ARIH2: variants seen among roughly 807,000 people sequenced by gnomAD.
The protein encoded by ARIH2 is E3 ubiquitin-protein ligase ARIH2.
ARIH2 carries 12 observed loss-of-function variants against 79.8 expected under a neutral mutation model. That is an observed-to-expected ratio of 0.15 (90% CI 0.10 to 0.24). The LOEUF (loss-of-function observed/expected upper bound fraction) is 0.24. Ranked by LOEUF, ARIH2 falls within the 10% of genes least tolerant of loss-of-function variation. The pLI, the probability that ARIH2 is intolerant of heterozygous loss-of-function variation, is 1.00. For missense variants in ARIH2, 301 were observed against 618.3 expected (o/e 0.49, Z 5.44); for synonymous variants, 224 against 213.9 (o/e 1.05, Z -0.41).
chr3:48,931,580 G>T (rs2107004663), intron 3 of ARIH2, among the ~76,000 whole-genome samples: 1 of 151,712 alleles, frequency 6.6e-6, no homozygotes, highest in East Asian at 1.9e-4. Flanking sequence ...TTTTTAAGTG[G>T]ACTCAAAAAG....
intron 6 of ARIH2, 58 bp downstream of exon 6, chr3:48,967,333 C>G: frequency 6.4e-7 from 1 of 1,555,190 alleles, no homozygotes. Context: ...TTTGACTCTG[C>G]CTTTTCATGT....
At chr3:48,982,400 ATTC>A (rs1294737517) in intron 14 of ARIH2, among the ~76,000 whole-genome samples, 3 of 152,162 alleles carry the variant, frequency 2.0e-5, no homozygotes, top group Non-Finnish European at 4.4e-5. Flanking sequence ...TGGGACATTT[ATTC>A]TTTCTTTCTT....
At position 48,944,919 on chromosome 3, in the gene ARIH2, A is replaced by C. The variant is rs138790316; in HGVS notation, c.256-16693A>C. ...TCCTATATCATGTCCCATTCTAGCCATTCTAGCCCAGGCCCAGAAGCTGGC... is the reference window on the plus strand; with the variant it reads ...TCCTATATCATGTCCCATTCTAGCCCTTCTAGCCCAGGCCCAGAAGCTGGC... On this transcript the variant is annotated intron_variant, in intron 3 of 15. Transcript: ENST00000356401. The C allele has an allele frequency of 1.1e-5, 4 of 372,764 alleles. No homozygotes were observed. The East Asian group carries it at 2.9e-4, about 27-fold the overall frequency. 23.1% of individuals were successfully genotyped at this position (372,764 alleles called of 1,614,324 possible).
chr3:48,964,132 G>A (rs551076983), intron 4 of ARIH2, among the ~76,000 whole-genome samples: 5 of 151,560 alleles, frequency 3.3e-5, no homozygotes, highest in African/African-American at 1.2e-4. Flanking sequence ...CCAGGTTCAA[G>A]CGATCCTCCT....
intron 12 of ARIH2, 122 bp downstream of exon 12, chr3:48,979,755 C>A: frequency 9.5e-7 from 1 of 1,056,260 alleles, no homozygotes; most frequent in Non-Finnish European, 1.4e-6. Context: ...GTGAATGGAG[C>A]TCCTGCAGTA....
chr3:48,945,411 A>G (rs539784382), intron 3 of ARIH2, among the ~76,000 whole-genome samples: 1 of 152,348 alleles, frequency 6.6e-6, no homozygotes, highest in South Asian at 2.1e-4. Flanking sequence ...TGATCCGTAT[A>G]TAAAATTAGT....
At chr3:48,935,045 A>G (rs2086920847) in intron 3 of ARIH2, 1 of 696,166 alleles carries the variant, frequency 1.4e-6, no homozygotes, top group Non-Finnish European at 1.8e-6. Context: ...ATTTAAGAAA[A>G]TAATATCATT....
At chr3:48,922,370 C>G (rs1430066725) in intron 1 of ARIH2, 1 of 150,630 alleles carries the variant, frequency 6.6e-6, no homozygotes, top group African/African-American at 2.4e-5. Context: ...GTGGCGCGAT[C>G]TCACCTCACT....
chr3:48,957,320 C>A (rs1011437965), intron 3 of ARIH2, among the ~76,000 whole-genome samples: 1 of 152,202 alleles, frequency 6.6e-6, no homozygotes, highest in Admixed American at 6.5e-5. Flanking sequence ...ACCTTCTTGA[C>A]CTTTCTAATG....
chr3:48,948,749 G>A (rs554616078), intron 3 of ARIH2, among the ~76,000 whole-genome samples: 4 of 152,142 alleles, frequency 2.6e-5, no homozygotes, highest in African/African-American at 4.8e-5. Context: ...CTGATCTTCT[G>A]TCTCAGTAGT....
intron 3 of ARIH2, among the ~76,000 whole-genome samples, chr3:48,932,030 A>T (rs773596587): frequency 3.9e-5 from 6 of 152,016 alleles, no homozygotes; most frequent in Middle Eastern, 3.2e-3. Flanking sequence ...GAAAAATCAC[A>T]ATTGTCTGGG....
intron 1 of ARIH2, among the ~76,000 whole-genome samples, chr3:48,919,743 G>C (rs2084505837): frequency 1.3e-5 from 2 of 152,150 alleles, no homozygotes; most frequent in African/African-American, 4.8e-5. Flanking sequence ...TATTAGAAAA[G>C]ACAGATACAA....
chr3:48,962,977 T>G (rs2091425481), intron 4 of ARIH2, among the ~76,000 whole-genome samples: 1 of 152,130 alleles, frequency 6.6e-6, no homozygotes, highest in Non-Finnish European at 1.5e-5. Context: ...CAAGCAACTC[T>G]CCTGCCTCAG....
intron 1 of ARIH2, chr3:48,921,420 G>T: frequency 6.9e-6 from 1 of 145,856 alleles, no homozygotes; most frequent in African/African-American, 2.5e-5. Flanking sequence ...TGAAAAGCCT[G>T]TGGGCAATTT....
At chr3:48,945,701 C>T (rs1237626851) in intron 3 of ARIH2, among the ~76,000 whole-genome samples, 1 of 152,036 alleles carries the variant, frequency 6.6e-6, no homozygotes, top group African/African-American at 2.4e-5. Flanking sequence ...TGCTTGAATG[C>T]GGTGGAGGGG....
intron 3 of ARIH2, among the ~76,000 whole-genome samples, chr3:48,936,889 A>G (rs1186300302): frequency 1.3e-5 from 2 of 151,956 alleles, no homozygotes; most frequent in African/African-American, 4.8e-5. Flanking sequence ...TTAGCCGGGC[A>G]TGGTGGCAGG....
intron 3 of ARIH2, among the ~76,000 whole-genome samples, chr3:48,947,420 A>C (rs1218336739): frequency 6.6e-6 from 1 of 150,742 alleles, no homozygotes; most frequent in East Asian, 1.9e-4. Context: ...CAGCCTGGGC[A>C]ACAAAAGCAA....
At chr3:48,934,918 A>C (rs7653408) in intron 3 of ARIH2, 769,653 of 984,966 alleles carry the variant, frequency 0.78, 301,738 homozygotes, top group East Asian at 1. Context: ...ACCTCAGGAA[A>C]CATGGAAGTC....
At position 48,939,770 on chromosome 3, in the gene ARIH2, A is replaced by C. The variant is rs537795745; in HGVS notation, c.255+11957A>C. On this transcript the variant is annotated intron_variant, in intron 3 of 15. Coordinates refer to ENST00000356401, the MANE Select transcript of ARIH2 (RefSeq NM_006321.4). ...AAGACTCCATCTCAAAAAAAAAAAA[A>C]AAAAAACAAAAACAAAAAAACAAAA... is the stretch of plus-strand genomic sequence containing the variant. Among the ~76,000 whole-genome samples, 100 of 148,274 alleles carry C rather than the reference A, an allele frequency of 6.7e-4. 2 individuals are homozygous for C. In the South Asian group the frequency reaches 0.02, roughly 29 times the overall value.
Sources: gnomAD v4.1 joint callset for allele counts (sites outside exome capture counted in the v4.1 genomes callset) on GRCh38, gnomAD v4.1.1 for gene constraint, MANE v1.5 for transcripts, NCBI Gene and HGNC (gene_info 2026-07-23, HGNC 2026-07-21) for gene names.